Variants in ODAM observed in about 807,000 individuals in gnomAD.
ODAM encodes the protein odontogenic ameloblast-associated protein.
A neutral mutation model predicts 48.5 loss-of-function variants in ODAM; 55 were observed. That is an observed-to-expected ratio of 1.13 (90% CI 0.91 to 1.42). The LOEUF (loss-of-function observed/expected upper bound fraction) is 1.42. Ranked by LOEUF, ODAM falls within the 40% of genes most tolerant of loss-of-function variation. The pLI is 0.00. For missense variants in ODAM, 353 were observed against 323.6 expected, an observed-to-expected ratio of 1.09 and a Z score of -0.70; for synonymous variants, 127 against 107.8, an observed-to-expected ratio of 1.18 and a Z score of -1.10.
At chr4:70,198,548 TA>T (rs1729429974) in intron 5 of ODAM, 30 bp from the exon 6 acceptor site, 5 of 1,532,038 alleles carry the variant, frequency 3.3e-6, no homozygotes, top group Admixed American at 4.0e-5. Flanking sequence ...AAGTCAAGCA[TA>T]CATTTTTATA....
At chr4:70,201,421 A>G in intron 7 of ODAM, 33 bp from the exon 8 acceptor site, 1 of 1,110,920 alleles carries the variant, frequency 9.0e-7, no homozygotes, top group Non-Finnish European at 1.3e-6. Context: ...ATAATCACAG[A>G]AAATATAATA....
At chr4:70,203,121 A>G (rs767106340) in intron 10 of ODAM, 35 bp from the exon 11 acceptor site, 2 of 1,539,120 alleles carry the variant, frequency 1.3e-6, no homozygotes, top group Non-Finnish European at 1.8e-6. Flanking sequence ...TTTCAATTTA[A>G]TAACAGTTTC....
Position 70,202,257 on chromosome 4 carries a change from G to GTAAA in ODAM, c.577-1_577insTAAA (p.Ala193Ter). 6.2e-7 allele frequency: 1 copy of GTAAA among 1,610,586 alleles called. No individual in the cohort carries two copies. Among genetic ancestry groups the GTAAA allele is most frequent in the Non-Finnish European group, 8.5e-7 (1 of 1,177,614 alleles). Reference sequence around the variant, plus strand: ...CTTTTTAAAACTTTTTGTGTTTTTAGGCTATATCAGGAGGACAGCAGCAAC... The same window carrying GTAAA: ...CTTTTTAAAACTTTTTGTGTTTTTAGTAAAGCTATATCAGGAGGACAGCAGCAAC... On this transcript the variant is annotated stop_gained and frameshift_variant and splice_region_variant. Coordinates refer to ENST00000683306, the MANE Select transcript of ODAM (RefSeq NM_017855.4). LOFTEE classifies it high-confidence loss of function.
chr4:70,197,471 T>C (rs139030651), intron 4 of ODAM, 150 bp downstream of exon 4: 17 of 659,496 alleles, frequency 2.6e-5, no homozygotes, highest in Admixed American at 1.7e-4. Context: ...TAGTGGCCAT[T>C]TGCTTGAAGA....
At chr4:70,197,558 T>C (rs977045309) in intron 4 of ODAM, among the ~76,000 whole-genome samples, 1 of 152,030 alleles carries the variant, frequency 6.6e-6, no homozygotes, top group Admixed American at 6.6e-5. Context: ...TTCTCACAAC[T>C]ATGAGATAGT....
At chr4:70,197,653 A>G in intron 4 of ODAM, 1 of 545,240 alleles carries the variant, frequency 1.8e-6, no homozygotes, top group Non-Finnish European at 3.2e-6. Context: ...AGGGGAAAAT[A>G]CAGACGGTTT....
chr4:70,200,081 G>C, intron 6 of ODAM: 1 of 439,836 alleles, frequency 2.3e-6, no homozygotes, highest in South Asian at 1.7e-5. Flanking sequence ...TACATTCATA[G>C]CATTTCATTT....
intron 8 of ODAM, 27 bp from the exon 9 acceptor site, chr4:70,202,231 A>G: frequency 1.9e-6 from 3 of 1,584,218 alleles, no homozygotes; most frequent in South Asian, 1.1e-5. Flanking sequence ...ACTGATTTAG[A>G]CTTTTTAAAA....
Position 70,198,592 on chromosome 4 carries a change from T to C in ODAM, c.389T>C (p.Val130Ala). 1.3e-6 allele frequency: 2 copies of C among 1,599,420 alleles called. No individual in the cohort carries two copies. Among genetic ancestry groups the C allele is most frequent in the Non-Finnish European group, 1.7e-6 (2 of 1,175,404 alleles). The change falls in exon 6 of 12, where the codon GTA becomes GCA. Residue 130 changes from valine (V) to alanine (A), a missense_variant. Physicochemically the swap from Val to Ala is moderately conservative, Grantham distance 64 (BLOSUM62 0). Coordinates refer to ENST00000683306, the MANE Select transcript of ODAM (RefSeq NM_017855.4). ...TTTTTTTGGCAGGTGATGCCCTATG[T>C]ATTCTCCTTCAAAATGCCTCAAGAG... ...QPGPSHVMPY[V>A]FSFKMPQEQG...
At chr4:70,196,648 C>T (rs372202605) in intron 2 of ODAM, 44 bp from the exon 3 acceptor site, 3 of 1,597,738 alleles carry the variant, frequency 1.9e-6, no homozygotes, top group African/African-American at 2.7e-5. Flanking sequence ...TCAACAATCC[C>T]TTCTTTTTAC....
intron 5 of ODAM, among the ~76,000 whole-genome samples, 199 bp downstream of exon 5, chr4:70,198,356 G>T (rs1042089110): frequency 6.6e-6 from 1 of 151,738 alleles, no homozygotes; most frequent in Non-Finnish European, 1.5e-5. Context: ...GCTACTCTAG[G>T]ATACAGCAAC....
intron 3 of ODAM, 36 bp from the exon 4 acceptor site, chr4:70,197,238 A>G (rs765449581): frequency 8.6e-6 from 8 of 930,806 alleles, no homozygotes; most frequent in Middle Eastern, 2.1e-4. Context: ...TTTAGTGTGT[A>G]GTAATCTTGA....
intron 1 of ODAM, 67 bp from the exon 2 acceptor site, chr4:70,196,462 C>T: frequency 1.2e-6 from 1 of 854,326 alleles, no homozygotes; most frequent in Non-Finnish European, 1.8e-6. Context: ...TTGAACAATA[C>T]TAATTATTTT....
At chr4:70,198,699 C>CT (rs2109816784) in intron 6 of ODAM, 73 bp downstream of exon 6, 1 of 1,188,738 alleles carries the variant, frequency 8.4e-7, no homozygotes, top group East Asian at 2.4e-5. Context: ...ATTTCTAGCT[C>CT]TGACTCCTAT....
At chr4:70,200,407 G>C (rs1384356542) in intron 6 of ODAM, 90 bp from the exon 7 acceptor site, 2 of 652,562 alleles carry the variant, frequency 3.1e-6, no homozygotes, top group Middle Eastern at 2.5e-4. Flanking sequence ...ACATAAAACA[G>C]CTTTTAAATA....
chr4:70,197,899 C>T lies in ODAM; in HGVS notation c.142-25C>T, dbSNP rs780619310. ...TTCTTTTTGGCATGAAGGGAACATG[C>T]TTTCTTTCCTTTGTGTCTTTTTAGG... On this transcript the variant is annotated intron_variant, in intron 4 of 11. Transcript: ENST00000683306. The T allele has an allele frequency of 9.5e-6, 15 of 1,581,324 alleles. No individual in the cohort carries two copies. In the South Asian group the frequency reaches 1.3e-4, roughly 14 times the overall value.
intron 3 of ODAM, among the ~76,000 whole-genome samples, 180 bp from the exon 4 acceptor site, chr4:70,197,094 C>G (rs1258405396): frequency 6.6e-6 from 1 of 152,104 alleles, no homozygotes; most frequent in East Asian, 1.9e-4. Context: ...TAAATCCCAA[C>G]CTTGTTTTAA....
At chr4:70,196,851 C>T in intron 3 of ODAM, 118 bp downstream of exon 3, 1 of 720,098 alleles carries the variant, frequency 1.4e-6, no homozygotes, top group South Asian at 2.1e-5. Flanking sequence ...TATGTATATC[C>T]AAGCACATTT....
At chr4:70,198,463 G>A in intron 5 of ODAM, 116 bp from the exon 6 acceptor site, 1 of 818,166 alleles carries the variant, frequency 1.2e-6, no homozygotes. Flanking sequence ...TTTTTGTTGT[G>A]GAAACTTGTT....
Sources: allele counts gnomAD v4.1 joint callset (sites outside exome capture counted in the v4.1 genomes callset), GRCh38; gene constraint gnomAD v4.1.1; transcripts MANE v1.5; gene names NCBI Gene and HGNC (gene_info 2026-07-23, HGNC 2026-07-21).